Variants in ARL15 observed in about 807,000 individuals in gnomAD.
ARL15 encodes ADP-ribosylation factor-like protein 15.
Under a neutral mutation model 25.2 loss-of-function variants are expected in ARL15, and 19 were observed. The observed-to-expected ratio is 0.75, with a 90% CI of 0.53 to 1.10. The LOEUF (loss-of-function observed/expected upper bound fraction) is 1.10, where lower values mean the gene tolerates loss of function less well. ARL15 is among the 50% of genes least tolerant of loss of function. The pLI is 0.00. For synonymous variants in ARL15, 94 were observed against 86.8 expected (o/e 1.08, Z -0.46); for missense variants, 220 against 246.0 (o/e 0.89, Z 0.71).
chr5:54,177,834 G>C (rs1754929194), intron 1 of ARL15, among the ~76,000 whole-genome samples: 1 of 152,048 alleles, frequency 6.6e-6, no homozygotes, highest in South Asian at 2.1e-4. Context: ...TTTCCTACTT[G>C]GCAAACTCCT....
At chr5:54,301,108 C>G (rs772878001) in intron 1 of ARL15, among the ~76,000 whole-genome samples, 12 of 152,312 alleles carry the variant, frequency 7.9e-5, no homozygotes, top group Non-Finnish European at 1.8e-4. Flanking sequence ...GCCCTGAAAT[C>G]TAGGTTAGGT....
intron 4 of ARL15, among the ~76,000 whole-genome samples, chr5:53,976,817 AG>A (rs1747941835): frequency 6.6e-6 from 1 of 152,142 alleles, no homozygotes; most frequent in South Asian, 2.1e-4. Context: ...AGTATCGCTT[AG>A]TCCTGAAGAA....
chr5:54,309,160 A>G (rs1758834179), intron 1 of ARL15, among the ~76,000 whole-genome samples: 1 of 152,376 alleles, frequency 6.6e-6, no homozygotes, highest in East Asian at 1.9e-4. Flanking sequence ...TCACAAAGAT[A>G]AAGGAAGTTA....
intron 1 of ARL15, among the ~76,000 whole-genome samples, chr5:54,179,318 G>A (rs1355012102): frequency 6.6e-6 from 1 of 152,132 alleles, no homozygotes; most frequent in Non-Finnish European, 1.5e-5. Context: ...CTCAAGTCAG[G>A]GATCAGAGCA....
chr5:54,215,839 T>TGG (rs1425451220), intron 1 of ARL15, among the ~76,000 whole-genome samples: 1 of 152,044 alleles, frequency 6.6e-6, no homozygotes, highest in Non-Finnish European at 1.5e-5. Context: ...AATAAAAGAA[T>TGG]GGATCCAAGG....
At chr5:54,024,748 G>A (rs1282613012) in intron 4 of ARL15, among the ~76,000 whole-genome samples, 3 of 151,818 alleles carry the variant, frequency 2.0e-5, no homozygotes, top group Non-Finnish European at 4.4e-5. Context: ...CAATAATCTG[G>A]ATAAAGAATT....
intron 4 of ARL15, among the ~76,000 whole-genome samples, chr5:53,954,437 T>C (rs1433180230): frequency 1.3e-5 from 2 of 152,326 alleles, no homozygotes; most frequent in East Asian, 3.9e-4. Flanking sequence ...AATTACTTTC[T>C]AAGAATATTT....
intron 4 of ARL15, among the ~76,000 whole-genome samples, chr5:53,971,016 T>A (rs181096019): frequency 6.6e-6 from 1 of 152,140 alleles, no homozygotes; most frequent in Non-Finnish European, 1.5e-5. Flanking sequence ...AAAAGTTTGA[T>A]AGCATTAAGA....
intron 4 of ARL15, among the ~76,000 whole-genome samples, chr5:54,079,901 C>T (rs792019): frequency 2.7e-5 from 4 of 149,848 alleles, no homozygotes; most frequent in Admixed American, 2.7e-4. Context: ...ACCCGGGAGG[C>T]GGAGGTTGCA....
At chr5:53,995,558 T>C (rs140537646) in intron 4 of ARL15, among the ~76,000 whole-genome samples, 6 of 152,314 alleles carry the variant, frequency 3.9e-5, no homozygotes, top group Non-Finnish European at 5.9e-5. Context: ...ACAGTTACAC[T>C]ACTAAGGTCC....
chr5:54,003,161 T>A (rs531903706), intron 4 of ARL15, among the ~76,000 whole-genome samples: 2 of 152,208 alleles, frequency 1.3e-5, no homozygotes, highest in Non-Finnish European at 2.9e-5. Flanking sequence ...GAATGTAGTT[T>A]ATGAACTAGC....
At chr5:53,911,494 T>C (rs989341676) in intron 4 of ARL15, among the ~76,000 whole-genome samples, 6 of 152,184 alleles carry the variant, frequency 3.9e-5, no homozygotes, top group African/African-American at 1.4e-4. Context: ...AGATGTTAGA[T>C]GTCATCTGGC....
rs572434253 is a variant in ARL15 at position 54,145,579 on chromosome 5, G to A, written c.253+9001C>T. Among the ~76,000 whole-genome samples the A allele has an allele frequency of 1.2e-3, 184 of 151,974 alleles. 1 individual carries two copies. Among genetic ancestry groups the A allele is most frequent in the Non-Finnish European group, 2.4e-3 (160 of 67,958 alleles). On this transcript the variant is annotated intron_variant, in intron 3 of 4. Coordinates refer to ENST00000504924, the MANE Select transcript of ARL15 (RefSeq NM_019087.3). Reference sequence around the variant, plus strand: ...TTATGGCCAACATCACTCTCCCACCGAAGTATACAAAGAAACAGTCTCAGA... The same window carrying A: ...TTATGGCCAACATCACTCTCCCACCAAAGTATACAAAGAAACAGTCTCAGA...
At chr5:54,095,960 A>G (rs1361249968) in intron 4 of ARL15, among the ~76,000 whole-genome samples, 2 of 152,214 alleles carry the variant, frequency 1.3e-5, no homozygotes, top group African/African-American at 2.4e-5. Context: ...GTTGTGGTAG[A>G]ATGAAAGAGC....
chr5:54,263,087 T>C (rs1472465468), intron 1 of ARL15, among the ~76,000 whole-genome samples: 2 of 152,148 alleles, frequency 1.3e-5, no homozygotes, highest in Non-Finnish European at 2.9e-5. Flanking sequence ...GCAAGCCCTG[T>C]GGCATGGTAC....
intron 4 of ARL15, among the ~76,000 whole-genome samples, chr5:54,011,896 C>T (rs543052321): frequency 2.0e-5 from 3 of 152,152 alleles, no homozygotes; most frequent in Non-Finnish European, 2.9e-5. Flanking sequence ...GTAGTCCCAG[C>T]TACTGGGGAG....
chr5:54,106,967 G>A (rs1752607046), intron 4 of ARL15, among the ~76,000 whole-genome samples: 1 of 152,098 alleles, frequency 6.6e-6, no homozygotes, highest in Non-Finnish European at 1.5e-5. Flanking sequence ...TCTTGAGGGG[G>A]TTGTATTAGT....
At chr5:53,977,418 T>C (rs982026009) in intron 4 of ARL15, among the ~76,000 whole-genome samples, 2 of 151,528 alleles carry the variant, frequency 1.3e-5, no homozygotes, top group African/African-American at 4.9e-5. Flanking sequence ...TGTAGCACAG[T>C]AGTCTTTTAC....
chr5:54,058,067 G>A (rs1288885709), intron 4 of ARL15, among the ~76,000 whole-genome samples: 3 of 150,356 alleles, frequency 2.0e-5, no homozygotes, highest in African/African-American at 4.9e-5. Flanking sequence ...ATGCAACAGC[G>A]CGATCTCGGC....
Sources: gnomAD v4.1 joint callset for allele counts (sites outside exome capture counted in the v4.1 genomes callset) on GRCh38, gnomAD v4.1.1 for gene constraint, MANE v1.5 for transcripts, NCBI Gene and HGNC (gene_info 2026-07-23, HGNC 2026-07-21) for gene names.